NLK: variants seen among roughly 807,000 people sequenced by gnomAD.
NLK encodes the protein serine/threonine-protein kinase NLK.
In NLK, 11 loss-of-function variants were observed where a neutral mutation model predicts 59.0. That is an observed-to-expected ratio of 0.19 (90% confidence interval 0.12 to 0.31). The LOEUF (loss-of-function observed/expected upper bound fraction) is 0.31, where lower values mean the gene tolerates loss of function less well. NLK is among the 10% of genes least tolerant of loss of function. The pLI is 1.00. For synonymous variants in NLK, 235 were observed against 235.9 expected (o/e 1.00, Z 0.03); for missense variants, 410 against 661.1 (o/e 0.62, Z 4.16).
chr17:28,122,776 C>T, intron 2 of NLK, 44 bp downstream of exon 2: 1 of 1,608,996 alleles, frequency 6.2e-7, no homozygotes, highest in Non-Finnish European at 8.5e-7. Flanking sequence ...CCTAAGCCTC[C>T]TGCATTGAAT....
At chr17:28,176,558 G>C (rs1171797822) in intron 7 of NLK, among the ~76,000 whole-genome samples, 1 of 152,148 alleles carries the variant, frequency 6.6e-6, no homozygotes. Context: ...CATGCCTAAT[G>C]TCATAAGCCA....
At chr17:28,057,198 A>G (rs1053095748) in intron 1 of NLK, among the ~76,000 whole-genome samples, 3 of 151,864 alleles carry the variant, frequency 2.0e-5, no homozygotes, top group African/African-American at 7.2e-5. Context: ...CAGGTGATCC[A>G]CCCGCCTCGG....
At chr17:28,123,866 A>G (rs1289590518) in intron 2 of NLK, among the ~76,000 whole-genome samples, 2 of 152,216 alleles carry the variant, frequency 1.3e-5, no homozygotes, top group African/African-American at 2.4e-5. Flanking sequence ...GTGAAAAGAA[A>G]AACTGCCTCA....
chr17:28,112,191 TA>T (rs568702091), intron 1 of NLK, among the ~76,000 whole-genome samples: 33 of 152,114 alleles, frequency 2.2e-4, no homozygotes, highest in Non-Finnish European at 4.3e-4. Context: ...AGATTTCTGA[TA>T]GTCTGCCCTT....
rs776384519 is a variant in NLK, at chr17:28,043,051, G to A, written c.178G>A (p.Ala60Thr). Residue 60 changes from alanine to threonine, a missense_variant, in exon 1 of 11, where the codon GCT (alanine) becomes ACT (threonine). Ala to Thr is a moderately conservative substitution (Grantham distance 58). This residue lies in a region of NLK where 160 missense variants were observed against 171.0 expected (regional missense o/e 0.94). Coordinates refer to ENST00000407008, the MANE Select transcript of NLK (RefSeq NM_016231.5). ...QHHLHPGSAAAVHPVQQHTSS... is the reference protein window; with the variant it reads ...QHHLHPGSAATVHPVQQHTSS... ...CCATCTTCATCCGGGGTCGGCTGCC[G>A]CTGTACACCCTGTACAGCAGCACAC... 11 of 1,560,786 alleles carry A rather than the reference G, an allele frequency of 7.0e-6. No homozygotes were observed. Among genetic ancestry groups the A allele is most frequent in the Non-Finnish European group, 9.6e-6 (11 of 1,151,776 alleles).
At chr17:28,196,783 A>G (rs1016993381), downstream of NLK, among the ~76,000 whole-genome samples, 3 of 152,196 alleles carry the variant, frequency 2.0e-5, no homozygotes, top group Non-Finnish European at 4.4e-5. Flanking sequence ...TCCTGCCTCT[A>G]GCAGCCCAAA....
chr17:28,065,539 A>G (rs1204587863), intron 1 of NLK, among the ~76,000 whole-genome samples: 1 of 152,206 alleles, frequency 6.6e-6, no homozygotes, highest in Non-Finnish European at 1.5e-5. Flanking sequence ...AAGCTATTGA[A>G]TGACTTAAAT....
intron 1 of NLK, among the ~76,000 whole-genome samples, chr17:28,106,474 A>G (rs1026926692): frequency 6.6e-6 from 1 of 152,346 alleles, no homozygotes; most frequent in Non-Finnish European, 1.5e-5. Context: ...CAAGAGCTGT[A>G]TACCAGAACA....
At chr17:28,202,943 A>T in the NLK span, among the ~76,000 whole-genome samples, 1 of 151,336 alleles carries the variant, frequency 6.6e-6, no homozygotes, top group South Asian at 2.1e-4. Context: ...CAGCCTCCCA[A>T]AGTGCCAGGA....
intron 3 of NLK, among the ~76,000 whole-genome samples, chr17:28,146,937 G>A (rs984993345): frequency 6.6e-6 from 1 of 152,098 alleles, no homozygotes; most frequent in Admixed American, 6.5e-5. Flanking sequence ...AGTAGGTGAG[G>A]CAAAATAAAT....
chr17:28,090,439 C>T (rs1234920995), intron 1 of NLK, among the ~76,000 whole-genome samples: 1 of 152,030 alleles, frequency 6.6e-6, no homozygotes, highest in African/African-American at 2.4e-5. Flanking sequence ...TTTGTAGATA[C>T]CCAGTTTTTC....
chr17:28,175,536 C>T (rs959184872), intron 7 of NLK, among the ~76,000 whole-genome samples: 4 of 152,128 alleles, frequency 2.6e-5, no homozygotes, highest in African/African-American at 9.6e-5. Flanking sequence ...TTGTACAATA[C>T]GGTTTTCAGA....
intron 8 of NLK, among the ~76,000 whole-genome samples, chr17:28,188,047 T>A (rs1327410347): frequency 6.6e-6 from 1 of 152,018 alleles, no homozygotes; most frequent in African/African-American, 2.4e-5. Context: ...ATTAAAAATT[T>A]TTTAAATTAG....
intron 5 of NLK, among the ~76,000 whole-genome samples, chr17:28,164,405 A>G (rs1271942277): frequency 6.6e-6 from 1 of 151,686 alleles, no homozygotes; most frequent in Non-Finnish European, 1.5e-5. Flanking sequence ...ATGCCAAACC[A>G]GAAAAGGGTA....
chr17:28,176,771 G>A (rs1908697337), intron 7 of NLK, among the ~76,000 whole-genome samples: 1 of 152,048 alleles, frequency 6.6e-6, no homozygotes, highest in African/African-American at 2.4e-5. Context: ...GTCTTGTCTG[G>A]ATTAACTTGA....
intron 3 of NLK, among the ~76,000 whole-genome samples, chr17:28,135,660 C>A (rs1432646229): frequency 6.6e-6 from 1 of 152,118 alleles, no homozygotes; most frequent in Non-Finnish European, 1.5e-5. Flanking sequence ...GCACATAGGC[C>A]ATATGTGAAG....
chr17:28,192,658 A>G (rs1198308204), intron 10 of NLK, among the ~76,000 whole-genome samples: 1 of 151,752 alleles, frequency 6.6e-6, no homozygotes, highest in African/African-American at 2.4e-5. Flanking sequence ...ACAAGAGCGA[A>G]ACTCCATCTC....
At chr17:28,186,379 T>G (rs1282131878) in intron 8 of NLK, among the ~76,000 whole-genome samples, 1 of 152,224 alleles carries the variant, frequency 6.6e-6, no homozygotes, top group African/African-American at 2.4e-5. Flanking sequence ...CCAAATTATT[T>G]TTGTAATGTC....
At chr17:28,120,236 GT>G (rs993372463) in intron 1 of NLK, among the ~76,000 whole-genome samples, 228 of 9,258 alleles carry the variant, frequency 0.025, 1 homozygote, top group East Asian at 0.12. Flanking sequence ...TTGGCTTGGG[GT>G]GTGTGTGTGT....
Sources: gnomAD v4.1 joint callset for allele counts (sites outside exome capture counted in the v4.1 genomes callset) on GRCh38, gnomAD v4.1.1 for gene constraint, gnomAD v4.1.1 regional missense constraint, MANE v1.5 for transcripts, NCBI Gene and HGNC (gene_info 2026-07-23, HGNC 2026-07-21) for gene names.